Variants in VPS45 observed in about 807,000 individuals in gnomAD.
VPS45 encodes vacuolar protein sorting-associated protein 45.
A neutral mutation model predicts 75.9 loss-of-function variants in VPS45; 35 were observed. That is an observed-to-expected ratio of 0.46 (90% CI 0.35 to 0.61). The LOEUF is 0.61. Ranked by LOEUF, VPS45 falls within the 20% of genes least tolerant of loss-of-function variation. The pLI, the probability that VPS45 is intolerant of heterozygous loss-of-function variation, is 0.00. For missense variants in VPS45, 559 were observed against 685.9 expected, an observed-to-expected ratio of 0.81 and a Z score of 2.07; for synonymous variants, 220 against 238.2, an observed-to-expected ratio of 0.92 and a Z score of 0.70.
chr1:150,081,390 C>T lies in VPS45; in HGVS notation c.736C>T (p.Arg246Trp), dbSNP rs781938011. 8 of 1,607,764 alleles carry T rather than the reference C, an allele frequency of 5.0e-6. No individual in the cohort carries two copies. The highest frequency in any genetic ancestry group is 1.7e-5 in the Admixed American group (1 of 58,410). ...VHELLGINNN[R>W]IDLSRVPGIS... Reference sequence around the variant, plus strand: ...CGAACTACTAGGCATAAACAACAATCGGATTGATCTTTCCAGAGTGCCGGG... The same window carrying T: ...CGAACTACTAGGCATAAACAACAATTGGATTGATCTTTCCAGAGTGCCGGG... The change falls in exon 8 of 15, where the codon CGG (arginine) becomes TGG (tryptophan). Residue 246 changes from arginine to tryptophan, a missense_variant. Physicochemically the swap from Arg to Trp is moderately radical, Grantham distance 101 (BLOSUM62 -3). Transcript: ENST00000644510.
chr1:150,068,019 C>A (rs1484111770), intron 1 of VPS45, 69 bp downstream of exon 1: 1 of 1,440,270 alleles, frequency 6.9e-7, no homozygotes, highest in Non-Finnish European at 9.7e-7. Context: ...TCCCATTCCA[C>A]TGTAGGACTT....
chr1:150,115,560 G>C (rs1380408015), intron 14 of VPS45, among the ~76,000 whole-genome samples: 2 of 152,088 alleles, frequency 1.3e-5, no homozygotes, highest in African/African-American at 4.8e-5. Flanking sequence ...CTGTGATTTT[G>C]ACTTATGAGT....
At chr1:150,138,252 A>C (rs1277521777) in intron 14 of VPS45, among the ~76,000 whole-genome samples, 2 of 152,142 alleles carry the variant, frequency 1.3e-5, no homozygotes, top group Non-Finnish European at 2.9e-5. Context: ...CATCTGACGC[A>C]GTTCCCTTAC....
intron 14 of VPS45, among the ~76,000 whole-genome samples, chr1:150,136,453 G>A (rs587612711): frequency 2.0e-5 from 3 of 151,856 alleles, no homozygotes; most frequent in Non-Finnish European, 2.9e-5. Flanking sequence ...TATTGAGGAG[G>A]CTAAGGCAAG....
At chr1:150,083,075 C>T (rs1655806434) in intron 10 of VPS45, 192 bp downstream of exon 10, 2 of 552,754 alleles carry the variant, frequency 3.6e-6, no homozygotes, top group Non-Finnish European at 5.9e-6. Flanking sequence ...ATGTGCAATT[C>T]CCAAGGGTTC....
At chr1:150,099,727 G>A (rs1237675532) in intron 13 of VPS45, among the ~76,000 whole-genome samples, 2 of 151,726 alleles carry the variant, frequency 1.3e-5, no homozygotes, top group Non-Finnish European at 2.9e-5. Context: ...CGGCTACACG[G>A]GAGGCTGAGG....
Position 150,081,994 on chromosome 1 carries a change from G to T in VPS45, c.933G>T (p.Met311Ile), listed in dbSNP as rs782654969. Reference protein sequence around the residue: ...EQQKLESIADMKAFVENYPQF... With the variant: ...EQQKLESIADIKAFVENYPQF... ...AAAAACTAGAATCAATAGCAGACAT[G>T]AAGGTAAATTGAACATGTACATGAA... The change falls in exon 9 of 15, where the codon ATG (methionine) becomes ATT (isoleucine). Residue 311 changes from methionine to isoleucine, a missense_variant. Met to Ile is a conservative substitution (Grantham distance 10). Transcript: ENST00000644510. 1 of 1,594,224 alleles carries T rather than the reference G, an allele frequency of 6.3e-7. No individual in the cohort carries two copies. The highest frequency in any genetic ancestry group is 2.2e-5 in the East Asian group (1 of 44,700).
At chr1:150,121,000 TG>T (rs1553809451) in intron 14 of VPS45, among the ~76,000 whole-genome samples, 1 of 151,772 alleles carries the variant, frequency 6.6e-6, no homozygotes, top group African/African-American at 2.4e-5. Context: ...CCTGAGTAGC[TG>T]GGACTACAGG....
In VPS45 at chr1:150,123,025, A is replaced by G. The variant is rs1161546275; in HGVS notation, c.1625+12398A>G. ...AAAAAGCATTTTCATTGTATCCAAA[A>G]ATCCCCCTCTCCAGCCCTAATAAAC... On this transcript the variant is annotated intron_variant, in intron 14 of 14. Transcript: ENST00000644510. 7.2e-5 allele frequency among the ~76,000 whole-genome samples: 11 copies of G among 151,982 alleles called. No homozygotes were observed. In the East Asian group the frequency reaches 1.9e-3, roughly 27 times the overall value.
rs782105427 is a variant in VPS45 at position 150,067,840 on chromosome 1, A to C, written c.-18A>C. ...AAGGGGGCGGGAAGGGCTGTAGGGT[A>C]CTTGTCAATTCGCCGCCATGAACGT... is the stretch of plus-strand genomic sequence containing the variant. On this transcript the variant is annotated 5_prime_UTR_variant, in exon 1 of 15. Coordinates refer to ENST00000644510, the MANE Select transcript of VPS45 (RefSeq NM_007259.5). 3 of 1,613,172 alleles carry C rather than the reference A, an allele frequency of 1.9e-6. No individual in the cohort carries two copies. Among genetic ancestry groups the C allele is most frequent in the South Asian group, 2.2e-5 (2 of 91,044 alleles).
intron 14 of VPS45, among the ~76,000 whole-genome samples, chr1:150,129,516 T>C (rs1553811715): frequency 1.3e-5 from 2 of 152,134 alleles, no homozygotes; most frequent in Non-Finnish European, 2.9e-5. Flanking sequence ...GTCAGCCTTT[T>C]AGATCTTTTG....
chr1:150,077,577 T>C (rs1009272908), intron 6 of VPS45, 92 bp from the exon 7 acceptor site: 38 of 906,528 alleles, frequency 4.2e-5, no homozygotes, highest in Non-Finnish European at 6.7e-5. Flanking sequence ...CAAAGAACTA[T>C]TGTTAAATGT....
rs1656806977 is a variant in VPS45, at chr1:150,098,802, A to T, written c.1493+5154A>T. On this transcript the variant is annotated intron_variant, in intron 13 of 14. Coordinates refer to ENST00000644510, the MANE Select transcript of VPS45 (RefSeq NM_007259.5). ...TGGATTTGATCATTCTGCAGATGGG[A>T]TTCTTGCATACCCTATTTTTCAAGC... 10 of 1,135,366 alleles carry T rather than the reference A, an allele frequency of 8.8e-6. No homozygotes were observed. In the African/African-American group the frequency reaches 1.1e-4, roughly 13 times the overall value. 70.3% of individuals were successfully genotyped at this position (1,135,366 alleles called of 1,614,324 possible). A position where few individuals can be genotyped will look rare whatever the true frequency, so the allele number is the denominator to read the frequency against.
chr1:150,067,936 A>G lies in VPS45; in HGVS notation c.79A>G (p.Met27Val), dbSNP rs782186537. ...DSGPGMKVLL[M>V]DKETTGIVSM... Reference sequence around the variant, plus strand: ...CGGGCCTGGTATGAAAGTACTTCTCATGGATAAAGAGACGGTGAGTTTGCT... The same window carrying G: ...CGGGCCTGGTATGAAAGTACTTCTCGTGGATAAAGAGACGGTGAGTTTGCT... The change falls in exon 1 of 15, where the codon ATG becomes GTG. Residue 27 changes from methionine to valine, a missense_variant. By Grantham distance (21) the Met-to-Val change is conservative. Transcript: ENST00000644510. 1.4e-5 allele frequency: 23 copies of G among 1,614,076 alleles called. No individual in the cohort carries two copies. Among genetic ancestry groups the G allele is most frequent in the Non-Finnish European group, 1.9e-5 (22 of 1,180,008 alleles).
chr1:150,076,372 T>A, intron 4 of VPS45, 60 bp downstream of exon 4: 1 of 1,368,416 alleles, frequency 7.3e-7, no homozygotes, highest in Non-Finnish European at 1.0e-6. Context: ...TATTTGAGTC[T>A]AAAAATAAAA....
At chr1:150,107,937 G>A (rs920856842) in intron 13 of VPS45, among the ~76,000 whole-genome samples, 25 of 152,068 alleles carry the variant, frequency 1.6e-4, no homozygotes, top group Non-Finnish European at 3.1e-4. Context: ...TAACCTGTGA[G>A]AACCCCATGA....
intron 14 of VPS45, among the ~76,000 whole-genome samples, chr1:150,113,702 C>T (rs1273972491): frequency 1.3e-5 from 2 of 151,704 alleles, no homozygotes; most frequent in Non-Finnish European, 2.9e-5. Flanking sequence ...TTGAGACCAG[C>T]CTGGCCAACA....
chr1:150,074,027 T>TGTCCGAGAAGCAG, intron 3 of VPS45, among the ~76,000 whole-genome samples: 1 of 150,674 alleles, frequency 6.6e-6, no homozygotes, highest in African/African-American at 2.4e-5. Flanking sequence ...TTTTTTTTTT[T>TGTCCGAGAAGCAG]TGTCCGAGAA....
At chr1:150,118,874 T>C (rs781854966) in intron 14 of VPS45, among the ~76,000 whole-genome samples, 1 of 152,190 alleles carries the variant, frequency 6.6e-6, no homozygotes, top group Non-Finnish European at 1.5e-5. Context: ...AAAGATTCAA[T>C]AAAATTTTGG....
Sources: allele counts gnomAD v4.1 joint callset (sites outside exome capture counted in the v4.1 genomes callset), GRCh38; gene constraint gnomAD v4.1.1; transcripts MANE v1.5; gene names NCBI Gene and HGNC (gene_info 2026-07-23, HGNC 2026-07-21).